Variants in NIPAL3 observed in about 807,000 individuals in gnomAD.
NIPAL3 encodes NIPA like domain containing 3.
NIPAL3 carries 41 observed loss-of-function variants against 47.2 expected under a neutral mutation model. The observed-to-expected ratio is 0.87, with a 90% CI of 0.68 to 1.13. NIPAL3 has a LOEUF of 1.13. Ranked by LOEUF, NIPAL3 falls within the 50% of genes most tolerant of loss-of-function variation. The probability of loss-of-function intolerance (pLI) is 0.00; values close to 1 mark genes in which losing one functional copy is unlikely to be tolerated. For missense variants in NIPAL3, 449 were observed against 530.1 expected, an observed-to-expected ratio of 0.85 and a Z score of 1.50; for synonymous variants, 194 against 209.6, an observed-to-expected ratio of 0.93 and a Z score of 0.64.
intron 6 of NIPAL3, among the ~76,000 whole-genome samples, chr1:24,452,419 T>G (rs1281068300): frequency 6.6e-6 from 1 of 152,146 alleles, no homozygotes; most frequent in Non-Finnish European, 1.5e-5. Flanking sequence ...GCTGATTTAG[T>G]GAGTTTAACG....
intron 4 of NIPAL3, among the ~76,000 whole-genome samples, chr1:24,444,261 C>G (rs1454824063): frequency 1.3e-5 from 2 of 151,978 alleles, no homozygotes; most frequent in Non-Finnish European, 2.9e-5. Flanking sequence ...CATTGAATTA[C>G]CCCTATCATT....
intron 11 of NIPAL3, among the ~76,000 whole-genome samples, chr1:24,468,671 A>T (rs1343958996): frequency 1.3e-5 from 2 of 152,194 alleles, no homozygotes. Context: ...CGTTCAAAGC[A>T]CAGTGCTAGT....
intron 4 of NIPAL3, 113 bp downstream of exon 4, chr1:24,442,339 A>T: frequency 8.6e-7 from 1 of 1,158,128 alleles, no homozygotes; most frequent in Non-Finnish European, 1.2e-6. Flanking sequence ...CTTGGATAAT[A>T]ATAGCCTAAT....
chr1:24,423,406 C>T (rs538314236), intron 2 of NIPAL3, among the ~76,000 whole-genome samples: 3 of 152,158 alleles, frequency 2.0e-5, no homozygotes, highest in South Asian at 2.1e-4. Context: ...TTTGGGAGGC[C>T]GAGGCAGGGG....
chr1:24,445,090 C>A, intron 4 of NIPAL3, 95 bp from the exon 5 acceptor site: 1 of 780,944 alleles, frequency 1.3e-6, no homozygotes, highest in South Asian at 1.6e-5. Context: ...GTACCAAGCT[C>A]CAATGCAAAG....
intron 5 of NIPAL3, among the ~76,000 whole-genome samples, chr1:24,446,409 A>G (rs989124832): frequency 2.0e-5 from 3 of 151,954 alleles, no homozygotes; most frequent in Admixed American, 2.0e-4. Context: ...TATTCTTCCC[A>G]ATGGTCTCCC....
chr1:24,435,144 A>G (rs1197669413), intron 2 of NIPAL3, among the ~76,000 whole-genome samples: 1 of 152,242 alleles, frequency 6.6e-6, no homozygotes, highest in Non-Finnish European at 1.5e-5. Flanking sequence ...TGCTAAGACC[A>G]TTCAATGGAG....
intron 1 of NIPAL3, among the ~76,000 whole-genome samples, 167 bp from the exon 2 acceptor site, chr1:24,419,124 G>A (rs1469856685): frequency 6.6e-6 from 1 of 152,064 alleles, no homozygotes; most frequent in African/African-American, 2.4e-5. Flanking sequence ...AGGCATGATA[G>A]GACTTGTTTT....
At chr1:24,418,307 T>C (rs979422201) in intron 1 of NIPAL3, among the ~76,000 whole-genome samples, 4 of 152,220 alleles carry the variant, frequency 2.6e-5, no homozygotes, top group Non-Finnish European at 5.9e-5. Flanking sequence ...CCATGCCTCC[T>C]AGGACACTAG....
Position 24,456,154 on chromosome 1 carries a change from G to A in NIPAL3, c.654G>A (p.Val218=), listed in dbSNP as rs1557527276. 1 of 1,614,190 alleles carries A rather than the reference G, an allele frequency of 6.2e-7. No homozygotes were observed. The highest frequency in any genetic ancestry group is 8.5e-7 in the Non-Finnish European group (1 of 1,180,032). The change falls in exon 8 of 12, where the codon GTG becomes GTA. Residue 218 remains valine, a synonymous_variant. Transcript: ENST00000374399. ...LVALLGSMTV[V]TVKAVAGMLV... ...CATCTGCAGGCTCCATGACAGTGGT[G>A]ACAGTCAAGGCCGTGGCTGGGATGC...
At chr1:24,466,220 T>C in intron 11 of NIPAL3, 1 of 851,072 alleles carries the variant, frequency 1.2e-6, no homozygotes, top group Non-Finnish European at 1.8e-6. Flanking sequence ...TCACAGAACA[T>C]CAGCAGCAGA....
intron 10 of NIPAL3, 106 bp from the exon 11 acceptor site, chr1:24,463,920 A>AGGG: frequency 1.1e-6 from 1 of 914,710 alleles, no homozygotes; most frequent in Non-Finnish European, 1.6e-6. Context: ...CCTCCTCCGC[A>AGGG]GCCTGCAAGC....
At chr1:24,465,895 T>C in intron 11 of NIPAL3, 3 of 1,410,946 alleles carry the variant, frequency 2.1e-6, no homozygotes, top group Non-Finnish European at 2.8e-6. Context: ...TGGTGGCAGG[T>C]AGAACATGCA....
rs181601224 is a variant in NIPAL3, at chr1:24,433,712, A to G, written c.94-6460A>G. ...GACATGGAGGCTCCAGTTAGATATA[A>G]TTTCCAAATGAAAGGAAGGCAGAAT... On this transcript the variant is annotated intron_variant, in intron 2 of 11. Coordinates refer to ENST00000374399, the MANE Select transcript of NIPAL3 (RefSeq NM_020448.5). Among the ~76,000 whole-genome samples, 483 of 152,320 alleles carry G rather than the reference A, an allele frequency of 3.2e-3. 3 individuals are homozygous for G. The highest frequency in any genetic ancestry group is 0.011 in the African/African-American group (467 of 41,566).
At chr1:24,458,533 G>T (rs942703571) in intron 8 of NIPAL3, among the ~76,000 whole-genome samples, 1 of 151,930 alleles carries the variant, frequency 6.6e-6, no homozygotes, top group Non-Finnish European at 1.5e-5. Context: ...GGGGGCAGGG[G>T]TATAAGAGAT....
At chr1:24,438,203 G>A (rs567994028) in intron 2 of NIPAL3, among the ~76,000 whole-genome samples, 1 of 152,314 alleles carries the variant, frequency 6.6e-6, no homozygotes, top group South Asian at 2.1e-4. Flanking sequence ...TCATCCCACA[G>A]GAAGGACGTG....
At chr1:24,443,278 A>G (rs1193452608) in intron 4 of NIPAL3, among the ~76,000 whole-genome samples, 2 of 152,232 alleles carry the variant, frequency 1.3e-5, no homozygotes, top group African/African-American at 2.4e-5. Context: ...TTAGTGAACA[A>G]TAGCTTTTTT....
chr1:24,450,706 G>T (rs1396673979), intron 6 of NIPAL3, among the ~76,000 whole-genome samples: 1 of 152,162 alleles, frequency 6.6e-6, no homozygotes, highest in African/African-American at 2.4e-5. Flanking sequence ...ATAAAAGCAG[G>T]GTTGGATTTG....
At position 24,435,572 on chromosome 1, in the gene NIPAL3, C is replaced by T. The variant is rs1469385619; in HGVS notation, c.94-4600C>T. On this transcript the variant is annotated intron_variant, in intron 2 of 11. Coordinates refer to ENST00000374399, the MANE Select transcript of NIPAL3 (RefSeq NM_020448.5). ...TTAATTTTAGTAGTACATGAAATGTCGCACCTATATAGCTCCATCTCTCTC... is the reference window on the plus strand; with the variant it reads ...TTAATTTTAGTAGTACATGAAATGTTGCACCTATATAGCTCCATCTCTCTC... Among the ~76,000 whole-genome samples, 6 of 152,134 alleles carry T rather than the reference C, an allele frequency of 3.9e-5. No individual in the cohort carries two copies. The South Asian group carries it at 6.2e-4, about 16-fold the overall frequency.
Sources: allele counts gnomAD v4.1 joint callset (sites outside exome capture counted in the v4.1 genomes callset), GRCh38; gene constraint gnomAD v4.1.1; transcripts MANE v1.5; gene names NCBI Gene and HGNC (gene_info 2026-07-23, HGNC 2026-07-21).